Variants in FSTL5 observed in about 807,000 individuals in gnomAD.
FSTL5 encodes the protein follistatin like 5, also known as follistatin-related protein 5.
In FSTL5, 62 loss-of-function variants were observed where a neutral mutation model predicts 89.1. The ratio of observed to expected loss-of-function variants is 0.70; its 90% CI spans 0.57 to 0.86. The LOEUF (loss-of-function observed/expected upper bound fraction) is 0.86, where lower values mean the gene tolerates loss of function less well. Among genes scored for constraint, FSTL5 ranks in the 40% least tolerant of loss-of-function variants. The pLI, the probability that FSTL5 is intolerant of heterozygous loss-of-function variation, is 0.00. For synonymous variants in FSTL5, 383 were observed against 346.2 expected (o/e 1.11, Z -1.18); for missense variants, 1,057 against 1,001.6 (o/e 1.06, Z -0.75).
intron 3 of FSTL5, among the ~76,000 whole-genome samples, chr4:161,992,341 A>G (rs185028579): frequency 2.0e-5 from 3 of 152,272 alleles, no homozygotes; most frequent in Admixed American, 2.0e-4. Flanking sequence ...TAGAAGCAGA[A>G]ACTGTGGGAC....
chr4:161,686,329 TATATATATA>T (rs1737726618), intron 6 of FSTL5, among the ~76,000 whole-genome samples: 6 of 7,992 alleles, frequency 7.5e-4, no homozygotes, highest in East Asian at 4.3e-3. Flanking sequence ...TATATATATA[TATATATATA>T]TATATATATT....
intron 15 of FSTL5, among the ~76,000 whole-genome samples, chr4:161,398,499 G>T (rs1731077075): frequency 2.0e-5 from 3 of 152,032 alleles, no homozygotes; most frequent in African/African-American, 7.2e-5. Context: ...AAGAGAAAGA[G>T]CTATGAGCCC....
chr4:162,084,993 T>C (rs1730252644), intron 2 of FSTL5, among the ~76,000 whole-genome samples: 1 of 152,024 alleles, frequency 6.6e-6, no homozygotes, highest in Non-Finnish European at 1.5e-5. Flanking sequence ...ATAAATATTC[T>C]AGAATGGAAT....
At chr4:161,519,190 G>A (rs944749514) in intron 10 of FSTL5, among the ~76,000 whole-genome samples, 3 of 152,186 alleles carry the variant, frequency 2.0e-5, no homozygotes, top group Non-Finnish European at 4.4e-5. Context: ...GAGATTGCAA[G>A]GGTGTGTATT....
intron 4 of FSTL5, among the ~76,000 whole-genome samples, chr4:161,896,998 T>C (rs935614227): frequency 6.6e-6 from 1 of 152,032 alleles, no homozygotes; most frequent in African/African-American, 2.4e-5. Context: ...AGTGGCACAA[T>C]CTCGGCTCAC....
intron 4 of FSTL5, among the ~76,000 whole-genome samples, chr4:161,909,941 T>A (rs931479152): frequency 3.3e-5 from 5 of 152,096 alleles, no homozygotes; most frequent in Admixed American, 6.6e-5. Context: ...ATGTGTGTAG[T>A]TATCAAGAGG....
chr4:161,852,762 C>A (rs1371305967), intron 4 of FSTL5, among the ~76,000 whole-genome samples: 2 of 151,944 alleles, frequency 1.3e-5, no homozygotes, highest in African/African-American at 4.8e-5. Context: ...AAATATACAC[C>A]ATGGAATACT....
intron 3 of FSTL5, among the ~76,000 whole-genome samples, chr4:161,999,599 T>C (rs1736402930): frequency 6.6e-6 from 1 of 152,166 alleles, no homozygotes; most frequent in Non-Finnish European, 1.5e-5. Flanking sequence ...TCTATAAAAG[T>C]CTTCTGGAAA....
chr4:161,880,282 AATTAAT>A (rs1307660470), intron 4 of FSTL5, among the ~76,000 whole-genome samples: 3 of 151,996 alleles, frequency 2.0e-5, no homozygotes, highest in Non-Finnish European at 4.4e-5. Flanking sequence ...TTTGAAAGAA[AATTAAT>A]ATTAATATTA....
At chr4:162,070,617 C>T (rs973583432) in intron 2 of FSTL5, among the ~76,000 whole-genome samples, 1 of 151,770 alleles carries the variant, frequency 6.6e-6, no homozygotes, top group African/African-American at 2.4e-5. Flanking sequence ...TGTTATTTCT[C>T]CAATGTATAT....
chr4:162,146,452 A>G (rs1221796291), intron 1 of FSTL5, among the ~76,000 whole-genome samples: 1 of 142,952 alleles, frequency 7.0e-6, no homozygotes, highest in Non-Finnish European at 1.6e-5. Context: ...TCATTTTTTA[A>G]ATTTTATAAT....
chr4:161,885,001 T>C (rs1732761229), intron 4 of FSTL5, among the ~76,000 whole-genome samples: 1 of 152,028 alleles, frequency 6.6e-6, no homozygotes, highest in Non-Finnish European at 1.5e-5. Context: ...GAGCGAAGGG[T>C]TTAAATCACC....
At chr4:162,100,525 TGAA>T (rs555404340) in intron 2 of FSTL5, among the ~76,000 whole-genome samples, 41 of 152,310 alleles carry the variant, frequency 2.7e-4, no homozygotes, top group Admixed American at 8.5e-4. Context: ...AAACGAAAGA[TGAA>T]GAGGCAAAGC....
At chr4:161,480,932 T>C in intron 13 of FSTL5, 88 bp downstream of exon 13, 1 of 867,590 alleles carries the variant, frequency 1.2e-6, no homozygotes, top group Non-Finnish European at 1.8e-6. Flanking sequence ...ACATTATCAG[T>C]GACAATCAAG....
chr4:161,555,477 A>G (rs1560951458), intron 8 of FSTL5, among the ~76,000 whole-genome samples: 2 of 151,524 alleles, frequency 1.3e-5, no homozygotes, highest in Non-Finnish European at 3.0e-5. Flanking sequence ...TTTTTGACAG[A>G]TTTTATTTAA....
intron 3 of FSTL5, among the ~76,000 whole-genome samples, chr4:161,987,114 A>C (rs1735984195): frequency 1.3e-5 from 2 of 151,792 alleles, no homozygotes; most frequent in Admixed American, 6.6e-5. Flanking sequence ...TCCCAATCTA[A>C]CCCTTTCTCG....
At chr4:162,149,135 G>A (rs949523245) in intron 1 of FSTL5, among the ~76,000 whole-genome samples, 32 of 152,238 alleles carry the variant, frequency 2.1e-4, no homozygotes, top group Admixed American at 1.1e-3. Context: ...GTGTCTGAAT[G>A]TTATCTGTTT....
chr4:161,870,231 T>C (rs7656247), intron 4 of FSTL5, among the ~76,000 whole-genome samples: 46,308 of 152,132 alleles, frequency 0.3, 7,461 homozygotes, highest in South Asian at 0.39. Context: ...GATGTAGAAA[T>C]GATAAATAAT....
At chr4:161,460,106 T>C (rs1461715014) in intron 13 of FSTL5, among the ~76,000 whole-genome samples, 1 of 152,060 alleles carries the variant, frequency 6.6e-6, no homozygotes, top group African/African-American at 2.4e-5. Flanking sequence ...GGTACTTATA[T>C]ATTTTCTAAC....
Sources: allele counts gnomAD v4.1 joint callset (sites outside exome capture counted in the v4.1 genomes callset), GRCh38; gene constraint gnomAD v4.1.1; transcripts MANE v1.5; gene names NCBI Gene and HGNC (gene_info 2026-07-23, HGNC 2026-07-21).